The following SEL1L3 variants were observed in gnomAD, a reference collection of about 807,000 sequenced individuals.
The protein encoded by SEL1L3 is protein sel-1 homolog 3.
In SEL1L3, 76 loss-of-function variants were observed where a neutral mutation model predicts 142.8. The observed-to-expected ratio is 0.53, with a 90% CI of 0.44 to 0.64. The LOEUF (loss-of-function observed/expected upper bound fraction) is 0.64, where lower values mean the gene tolerates loss of function less well. Among genes scored for constraint, SEL1L3 ranks in the 30% least tolerant of loss-of-function variants. The pLI is 0.00. For synonymous variants in SEL1L3, 504 were observed against 519.6 expected, an observed-to-expected ratio of 0.97 and a Z score of 0.41; for missense variants, 1,262 against 1,381.7, an observed-to-expected ratio of 0.91 and a Z score of 1.37.
At chr4:25,854,294 T>C (rs1717095695) in intron 1 of SEL1L3, among the ~76,000 whole-genome samples, 1 of 152,198 alleles carries the variant, frequency 6.6e-6, no homozygotes, top group South Asian at 2.1e-4. Context: ...AGCTTTTTTT[T>C]TGAGACTGAG....
chr4:25,752,905 G>T (rs184452236), intron 23 of SEL1L3, among the ~76,000 whole-genome samples: 2 of 152,252 alleles, frequency 1.3e-5, no homozygotes, highest in African/African-American at 4.8e-5. Flanking sequence ...GAGCCACTGC[G>T]CCCAGCCCAT....
At chr4:25,743,204 A>G (rs1717168469), downstream of SEL1L3, among the ~76,000 whole-genome samples, 1 of 152,238 alleles carries the variant, frequency 6.6e-6, no homozygotes, top group Non-Finnish European at 1.5e-5. Context: ...CAAATCCTTG[A>G]TTTTACAATG....
intron 11 of SEL1L3, among the ~76,000 whole-genome samples, chr4:25,799,695 C>A (rs1713043291): frequency 6.6e-6 from 1 of 152,060 alleles, no homozygotes; most frequent in African/African-American, 2.4e-5. Context: ...AGATGACTCC[C>A]CAGGTTCTAG....
chr4:25,788,400 C>T lies in SEL1L3; in HGVS notation c.2077-36G>A. 6.2e-7 allele frequency: 1 copy of T among 1,609,454 alleles called. No individual in the cohort carries two copies. The highest frequency in any genetic ancestry group is 8.5e-7 in the Non-Finnish European group (1 of 1,177,624). On this transcript the variant is annotated intron_variant, in intron 12 of 23. Coordinates refer to ENST00000399878, the MANE Select transcript of SEL1L3 (RefSeq NM_015187.5). The surrounding 1 kb of genome is among the most constrained non-coding windows in gnomAD (Gnocchi z 5.3). ...ATAGCAATTTAGAACAATGACTTTT[C>T]CTGTATAATGCTTAACACAAGATTT...
At chr4:25,776,713 T>C (rs1326613990) in intron 16 of SEL1L3, 1 of 174,312 alleles carries the variant, frequency 5.7e-6, no homozygotes, top group African/African-American at 2.4e-5. Flanking sequence ...TTTTGCTTTG[T>C]TCTCTAATTT....
intron 6 of SEL1L3, among the ~76,000 whole-genome samples, chr4:25,828,905 C>T (rs1178816902): frequency 6.6e-6 from 1 of 152,134 alleles, no homozygotes; most frequent in East Asian, 1.9e-4. Flanking sequence ...AGACAAAGTG[C>T]CTAAAAGTTC....
chr4:25,727,954 G>A, the SEL1L3 span, among the ~76,000 whole-genome samples: 4 of 152,132 alleles, frequency 2.6e-5, no homozygotes, highest in African/African-American at 7.2e-5. Context: ...CTGGCTGAGC[G>A]GCTTGGCCAC....
chr4:25,838,768 G>C (rs1435098566), intron 2 of SEL1L3, among the ~76,000 whole-genome samples: 1 of 152,178 alleles, frequency 6.6e-6, no homozygotes, highest in East Asian at 1.9e-4. Context: ...ACCCCTCACT[G>C]GTTGTTAAAT....
In SEL1L3 at chr4:25,835,191, C is replaced by T. The variant is rs763015345; in HGVS notation, c.860+6G>A. On this transcript the variant is annotated splice_donor_region_variant and intron_variant, in intron 3 of 23. Coordinates refer to ENST00000399878, the MANE Select transcript of SEL1L3 (RefSeq NM_015187.5). ...CGATCAGCTCCCTTCTGCTACCCATCCTTACACTGGGTAATCCATCCTCTG... is the reference window on the plus strand; with the variant it reads ...CGATCAGCTCCCTTCTGCTACCCATTCTTACACTGGGTAATCCATCCTCTG... The T allele has an allele frequency of 1.2e-6, 2 of 1,613,936 alleles. No homozygotes were observed. The highest frequency in any genetic ancestry group is 4.5e-5 in the East Asian group (2 of 44,884).
chr4:25,734,988 TTTTC>T, the SEL1L3 span, among the ~76,000 whole-genome samples: 2 of 152,206 alleles, frequency 1.3e-5, no homozygotes, highest in African/African-American at 4.8e-5. Context: ...GAAGTATTTT[TTTTC>T]TTTTTTTTCT....
chr4:25,755,294 G>T (rs573261507), intron 23 of SEL1L3, among the ~76,000 whole-genome samples: 4 of 149,930 alleles, frequency 2.7e-5, no homozygotes, highest in Non-Finnish European at 5.9e-5. Context: ...TTAGAAATGG[G>T]GTCTCGCTAT....
At chr4:25,827,386 A>C (rs1407862695) in intron 6 of SEL1L3, among the ~76,000 whole-genome samples, 1 of 152,144 alleles carries the variant, frequency 6.6e-6, no homozygotes, top group Non-Finnish European at 1.5e-5. Context: ...AGACACACCC[A>C]TGGGGAGGAT....
chr4:25,738,939 C>A, the SEL1L3 span, among the ~76,000 whole-genome samples: 2 of 152,166 alleles, frequency 1.3e-5, no homozygotes, highest in Non-Finnish European at 2.9e-5. Context: ...GGCACAGTGG[C>A]TCACGCCTGT....
chr4:25,835,072 A>T, intron 3 of SEL1L3, 125 bp downstream of exon 3: 1 of 1,176,614 alleles, frequency 8.5e-7, no homozygotes, highest in Non-Finnish European at 1.2e-6. Flanking sequence ...TGGAAATCTC[A>T]ACATTTTTGC....
In SEL1L3 at chr4:25,757,763, G is replaced by A. The variant is rs760521994; in HGVS notation, c.3111C>T (p.Ser1037=). 2.5e-6 allele frequency: 4 copies of A among 1,590,182 alleles called. No homozygotes were observed. The highest frequency in any genetic ancestry group is 2.6e-6 in the Non-Finnish European group (3 of 1,168,732). Residue 1037 remains serine, a synonymous_variant, in exon 22 of 24, where the codon TCC becomes TCT. Transcript: ENST00000399878. ...GCCAGGCCAAGGAGCAGGGGCTGAA[G>A]GACTCCTCGTTACTGTGGCTCCAGC... ...ERCWSHSNEE[S]FSPCSLAWLY...
chr4:25,730,219 C>T, the SEL1L3 span, among the ~76,000 whole-genome samples: 2 of 152,226 alleles, frequency 1.3e-5, no homozygotes, highest in East Asian at 3.9e-4. Flanking sequence ...CCACCGAGCC[C>T]GGCTACTGAA....
chr4:25,796,979 G>A (rs1490029692), intron 11 of SEL1L3, among the ~76,000 whole-genome samples: 3 of 150,976 alleles, frequency 2.0e-5, no homozygotes, highest in Non-Finnish European at 3.0e-5. Context: ...GAAGGGGTAG[G>A]AAGAGGAAAG....
chr4:25,819,050 T>C (rs918506592), intron 8 of SEL1L3, among the ~76,000 whole-genome samples: 2 of 152,230 alleles, frequency 1.3e-5, no homozygotes, highest in African/African-American at 4.8e-5. Flanking sequence ...CTTTTGCTGA[T>C]GGCAAAGGTC....
intron 9 of SEL1L3, among the ~76,000 whole-genome samples, chr4:25,810,198 G>C (rs971398887): frequency 2.0e-5 from 3 of 152,234 alleles, no homozygotes; most frequent in African/African-American, 7.2e-5. Context: ...GCCCAGTGCA[G>C]ATGAAAGGCA....
Sources: gnomAD v4.1 joint callset for allele counts (sites outside exome capture counted in the v4.1 genomes callset) on GRCh38, gnomAD v4.1.1 for gene constraint, Gnocchi (gnomAD v3.1) non-coding constraint, MANE v1.5 for transcripts, NCBI Gene and HGNC (gene_info 2026-07-23, HGNC 2026-07-21) for gene names.